CHD9: variants seen among roughly 807,000 people sequenced by gnomAD.
The protein encoded by CHD9 is ATP-dependent chromatin remodeler CHD9.
In CHD9, 77 loss-of-function variants were observed where a neutral mutation model predicts 316.1. The observed-to-expected ratio is 0.24, with a 90% CI of 0.20 to 0.29. The LOEUF (loss-of-function observed/expected upper bound fraction) is 0.29. CHD9 is among the 10% of genes least tolerant of loss of function. The probability of loss-of-function intolerance (pLI) is 1.00; values close to 1 mark genes in which losing one functional copy is unlikely to be tolerated. For synonymous variants in CHD9, 1,129 were observed against 1,158.3 expected, an observed-to-expected ratio of 0.97 and a Z score of 0.51; for missense variants, 2,763 against 3,438.1, an observed-to-expected ratio of 0.80 and a Z score of 4.91.
chr16:53,242,884 C>T lies in CHD9; in HGVS notation c.2922C>T (p.Thr974=). The change falls in exon 13 of 39, where the codon ACC becomes ACT. Residue 974 remains threonine, a synonymous_variant. Coordinates refer to ENST00000447540, the MANE Select transcript of CHD9 (RefSeq NM_001308319.2). The part of the protein sequence containing the change: ...RGAYRFQAII[T]TFEMILGGCG... ...CTTACAGATTCCAAGCCATCATCAC[C>T]ACTTTTGAAATGATTCTTGGAGGCT... is the stretch of plus-strand genomic sequence containing the variant. The T allele has an allele frequency of 6.2e-7, 1 of 1,613,428 alleles. No homozygotes were observed. The highest frequency in any genetic ancestry group is 8.5e-7 in the Non-Finnish European group (1 of 1,179,576).
intron 1 of CHD9, among the ~76,000 whole-genome samples, chr16:53,132,090 A>C (rs11075755): frequency 6.6e-6 from 1 of 150,814 alleles, no homozygotes; most frequent in African/African-American, 2.4e-5. Flanking sequence ...TTTTATTTTT[A>C]AAAAAAATTT....
intron 27 of CHD9, among the ~76,000 whole-genome samples, chr16:53,291,221 A>G (rs544125551): frequency 2.6e-5 from 4 of 152,360 alleles, no homozygotes; most frequent in Admixed American, 2.0e-4. Flanking sequence ...TAAAATTGCT[A>G]AAGTTATGAA....
intron 27 of CHD9, among the ~76,000 whole-genome samples, chr16:53,291,161 C>A (rs11859825): frequency 0.038 from 5,724 of 152,234 alleles, 371 homozygotes; most frequent in African/African-American, 0.13. Flanking sequence ...AATTATGATT[C>A]TAACTTCAGG....
intron 2 of CHD9, among the ~76,000 whole-genome samples, chr16:53,177,113 G>A (rs1056174999): frequency 6.6e-6 from 1 of 152,106 alleles, no homozygotes; most frequent in African/African-American, 2.4e-5. Flanking sequence ...ATGCCACCAT[G>A]CCTGGCTAAT....
chr16:53,191,880 A>G (rs1185455455), intron 2 of CHD9, among the ~76,000 whole-genome samples: 1 of 152,176 alleles, frequency 6.6e-6, no homozygotes, highest in Non-Finnish European at 1.5e-5. Flanking sequence ...CATTCCCACC[A>G]GCAGTGTATG....
intron 1 of CHD9, among the ~76,000 whole-genome samples, chr16:53,144,437 T>C (rs1293696462): frequency 6.6e-6 from 1 of 152,086 alleles, no homozygotes; most frequent in African/African-American, 2.4e-5. Context: ...TTAATTTGTG[T>C]TTTGGGGCAA....
intron 2 of CHD9, among the ~76,000 whole-genome samples, chr16:53,172,580 G>A (rs980872653): frequency 2.0e-5 from 3 of 151,974 alleles, no homozygotes; most frequent in African/African-American, 2.4e-5. Flanking sequence ...AACTTTTTAC[G>A]AAACTAGGAA....
At chr16:53,147,823 A>G (rs2040754437) in intron 1 of CHD9, among the ~76,000 whole-genome samples, 1 of 151,992 alleles carries the variant, frequency 6.6e-6, no homozygotes, top group Non-Finnish European at 1.5e-5. Context: ...TTGAGTCCCT[A>G]TTTTCAGTTG....
intron 1 of CHD9, among the ~76,000 whole-genome samples, chr16:53,074,455 G>A (rs1166272693): frequency 6.6e-6 from 1 of 152,234 alleles, no homozygotes; most frequent in East Asian, 1.9e-4. Context: ...TGGAGAAAAT[G>A]TCTCCAGGAA....
At chr16:53,148,397 G>A (rs1041502501) in intron 1 of CHD9, among the ~76,000 whole-genome samples, 3 of 152,210 alleles carry the variant, frequency 2.0e-5, no homozygotes, top group East Asian at 1.9e-4. Context: ...ACACGTACCC[G>A]TCTGGCTTGT....
intron 1 of CHD9, among the ~76,000 whole-genome samples, chr16:53,057,222 A>T (rs1201156674): frequency 1.3e-5 from 2 of 152,070 alleles, no homozygotes; most frequent in Non-Finnish European, 2.9e-5. Context: ...CACACCTGTA[A>T]TCCCAGCACT....
At chr16:53,269,752 A>G (rs568696228) in intron 22 of CHD9, among the ~76,000 whole-genome samples, 1 of 152,304 alleles carries the variant, frequency 6.6e-6, no homozygotes, top group African/African-American at 2.4e-5. Context: ...TTAGGAGTGA[A>G]TAGAGAGGTA....
At position 53,202,561 on chromosome 16, in the gene CHD9, TG is replaced by T. The variant is rs139569716; in HGVS notation, c.1453-6920del. 1.2e-3 allele frequency among the ~76,000 whole-genome samples: 186 copies of T among 152,304 alleles called. 1 individual carries two copies. The highest frequency in any genetic ancestry group is 4.2e-3 in the African/African-American group (174 of 41,572). ...GATTTTACTGATTACATCCCCATTT[TG>T]CTGATTACATCTGGATTTTGTTGAT... On this transcript the variant is annotated intron_variant, in intron 2 of 38. Coordinates refer to ENST00000447540, the MANE Select transcript of CHD9 (RefSeq NM_001308319.2).
chr16:53,078,100 A>G (rs906122735), intron 1 of CHD9, among the ~76,000 whole-genome samples: 2 of 152,128 alleles, frequency 1.3e-5, no homozygotes, highest in African/African-American at 4.8e-5. Context: ...AAAAAAATAT[A>G]TATATACAAT....
chr16:53,202,114 G>A (rs949533380), intron 2 of CHD9, among the ~76,000 whole-genome samples: 1 of 151,818 alleles, frequency 6.6e-6, no homozygotes, highest in East Asian at 1.9e-4. Context: ...CTCCTGCCTT[G>A]GCCTCCCAAA....
rs762888480 is a variant in CHD9, at chr16:53,245,657, AAAG to A, written c.3265_3267del (p.Lys1089del). 6.2e-7 allele frequency: 1 copy of A among 1,608,432 alleles called. No homozygotes were observed. The highest frequency in any genetic ancestry group is 1.1e-5 in the South Asian group (1 of 89,690). ...TGAGACGATTAAAAGAAGATGTGGA[AAAG>A]AAGTTGGCACCTAAAGAAGAAACCA... On this transcript the variant is annotated inframe_deletion, in exon 15 of 39. Coordinates refer to ENST00000447540, the MANE Select transcript of CHD9 (RefSeq NM_001308319.2). The surrounding 1 kb of genome is among the most constrained non-coding windows in gnomAD (Gnocchi z 4.1).
intron 2 of CHD9, among the ~76,000 whole-genome samples, chr16:53,183,747 G>C (rs1015644433): frequency 6.8e-6 from 1 of 147,580 alleles, no homozygotes; most frequent in South Asian, 2.2e-4. Flanking sequence ...GACCCTGTCT[G>C]TACAAAAAAT....
At chr16:53,240,494 T>G (rs923891383) in intron 12 of CHD9, among the ~76,000 whole-genome samples, 1 of 152,120 alleles carries the variant, frequency 6.6e-6, no homozygotes, top group African/African-American at 2.4e-5. Flanking sequence ...ATATATTACC[T>G]AAAGAGGTTT....
intron 1 of CHD9, among the ~76,000 whole-genome samples, chr16:53,084,709 C>T (rs546762413): frequency 3.9e-5 from 6 of 152,224 alleles, no homozygotes; most frequent in African/African-American, 9.6e-5. Flanking sequence ...CGCCACTGCA[C>T]TCCAGCCTGG....
Sources: allele counts gnomAD v4.1 joint callset (sites outside exome capture counted in the v4.1 genomes callset), GRCh38; gene constraint gnomAD v4.1.1; non-coding constraint Gnocchi (gnomAD v3.1); transcripts MANE v1.5; gene names NCBI Gene and HGNC (gene_info 2026-07-23, HGNC 2026-07-21).